UGT1A5: variants seen among roughly 807,000 people sequenced by gnomAD.
UGT1A5 encodes UDP glucuronosyltransferase family 1 member A5, also known as UDP-glucuronosyltransferase 1A5.
In UGT1A5, 29 loss-of-function variants were observed where a neutral mutation model predicts 40.3. That is an observed-to-expected ratio of 0.72 (90% CI 0.54 to 0.98). The LOEUF is 0.98. UGT1A5 is among the 50% of genes least tolerant of loss of function. The pLI is 0.00. For synonymous variants in UGT1A5, 257 were observed against 262.5 expected, an observed-to-expected ratio of 0.98 and a Z score of 0.20; for missense variants, 678 against 677.9, an observed-to-expected ratio of 1.00 and a Z score of 0.00.
At chr2:233,747,820 A>T in intron 1 of UGT1A5, 1 of 1,613,402 alleles carries the variant, frequency 6.2e-7, no homozygotes, top group East Asian at 2.2e-5. Context: ...ACCAATTCAG[A>T]CCACATGACA....
chr2:233,766,415 C>T (rs1416459239), intron 1 of UGT1A5, among the ~76,000 whole-genome samples: 1 of 152,164 alleles, frequency 6.6e-6, no homozygotes, highest in Admixed American at 6.5e-5. Context: ...CTGATGTGCT[C>T]CTCCCGATGT....
intron 1 of UGT1A5, chr2:233,760,319 T>A (rs201984525): frequency 1.2e-6 from 2 of 1,614,040 alleles, no homozygotes; most frequent in Non-Finnish European, 1.7e-6. Flanking sequence ...GGACGCCCAC[T>A]TGTCCTGGGC....
At position 233,725,197 on chromosome 2, in the gene UGT1A5, CAGAGGCAGAGGCAGAGGCAGA is replaced by C. The variant is rs1559370274; in HGVS notation, c.867+11340_867+11360del. ...CCGTGGGGAGAGGCAGAGGCAGAGG[CAGAGGCAGAGGCAGAGGCAGA>C]GGAGGCAGAGGCAGAGGAGGCAGAG... is the stretch of plus-strand genomic sequence containing the variant. On this transcript the variant is annotated intron_variant, in intron 1 of 4. Transcript: ENST00000373414. Among the ~76,000 whole-genome samples the C allele has an allele frequency of 9.0e-4, 74 of 81,846 alleles. 30 individuals carry two copies. Among genetic ancestry groups the C allele is most frequent in the African/African-American group, 7.3e-3 (68 of 9,378 alleles). 53.7% of individuals were successfully genotyped at this position (81,846 alleles called of 152,430 possible).
chr2:233,716,282 A>G (rs2076495752), intron 1 of UGT1A5, among the ~76,000 whole-genome samples: 1 of 152,186 alleles, frequency 6.6e-6, no homozygotes, highest in African/African-American at 2.4e-5. Context: ...AACCCTTAAT[A>G]TAATCACATC....
chr2:233,724,372 T>A (rs2077243468), intron 1 of UGT1A5, among the ~76,000 whole-genome samples: 1 of 143,294 alleles, frequency 7.0e-6, no homozygotes, highest in Admixed American at 6.9e-5. Context: ...ACGGGGTGGC[T>A]GCCGGGCGGA....
chr2:233,727,334 C>G (rs2077606253), intron 1 of UGT1A5, among the ~76,000 whole-genome samples: 1 of 152,132 alleles, frequency 6.6e-6, no homozygotes, highest in South Asian at 2.1e-4. Context: ...GGAGCTCCTC[C>G]CTCCCCATAG....
chr2:233,772,482 T>C lies in UGT1A5; in HGVS notation c.1528T>C (p.Cys510Arg). Residue 510 changes from cysteine to arginine, a missense_variant, in exon 5 of 5, where the codon TGT becomes CGT. Physicochemically the swap from Cys to Arg is radical, Grantham distance 180. Coordinates refer to ENST00000373414, the MANE Select transcript of UGT1A5 (RefSeq NM_019078.2). ...VLTVAFITFK[C>R]CAYGYRKCLG... ...GACAGTGGCCTTCATCACCTTTAAA[T>C]GTTGTGCTTATGGCTACCGGAAATG... The C allele has an allele frequency of 6.2e-7, 1 of 1,614,124 alleles. No individual in the cohort carries two copies. Among genetic ancestry groups the C allele is most frequent in the Non-Finnish European group, 8.5e-7 (1 of 1,180,034 alleles).
At chr2:233,744,867 G>T (rs1318227544) in intron 1 of UGT1A5, among the ~76,000 whole-genome samples, 4 of 151,860 alleles carry the variant, frequency 2.6e-5, no homozygotes, top group African/African-American at 7.3e-5. Flanking sequence ...ATTCTGAAGG[G>T]ATTAGTTTAG....
intron 1 of UGT1A5, among the ~76,000 whole-genome samples, chr2:233,715,727 A>T (rs2076466166): frequency 6.6e-6 from 1 of 152,216 alleles, no homozygotes; most frequent in Non-Finnish European, 1.5e-5. Flanking sequence ...TGCCATGTTC[A>T]CGCCACCTCA....
rs558356938 is a variant in UGT1A5 at position 233,722,599 on chromosome 2, T to C, written c.867+8741T>C. Among the ~76,000 whole-genome samples the C allele has an allele frequency of 1.3e-4, 20 of 152,338 alleles. 1 individual carries two copies. In the South Asian group the frequency reaches 4.1e-3, roughly 32 times the overall value. On this transcript the variant is annotated intron_variant, in intron 1 of 4. Transcript: ENST00000373414. ...AACTTCGTTAGAGGACTATTACACT[T>C]CTTTACATTTGATTTTTCTTAATGA... is the stretch of plus-strand genomic sequence containing the variant.
intron 1 of UGT1A5, chr2:233,747,259 G>C (rs1240117777): frequency 7.1e-5 from 114 of 1,600,384 alleles, no homozygotes; most frequent in Non-Finnish European, 9.2e-5. Flanking sequence ...GGCCACAGGA[G>C]TGCTACTCCT....
chr2:233,743,979 A>T (rs1692622611), intron 1 of UGT1A5: 1 of 1,306,002 alleles, frequency 7.7e-7, no homozygotes, highest in Non-Finnish European at 1.0e-6. Flanking sequence ...GCCAGCACCC[A>T]GGCGCAGGCC....
chr2:233,725,264 G>GGCAGAGGAGGCA, intron 1 of UGT1A5, among the ~76,000 whole-genome samples: 1 of 58,548 alleles, frequency 1.7e-5, no homozygotes, highest in African/African-American at 1.3e-4. Flanking sequence ...CAGAGGCAGA[G>GGCAGAGGAGGCA]GAGGCAGAGG....
intron 1 of UGT1A5, among the ~76,000 whole-genome samples, chr2:233,738,740 C>T (rs1235036519): frequency 1.3e-5 from 2 of 152,136 alleles, no homozygotes; most frequent in Non-Finnish European, 2.9e-5. Context: ...GCAGCCTGAC[C>T]ATGTGGTAGA....
chr2:233,724,124 T>C (rs2077171424), intron 1 of UGT1A5, among the ~76,000 whole-genome samples: 1 of 109,210 alleles, frequency 9.2e-6, no homozygotes. Flanking sequence ...GAGGCGCCCC[T>C]CACCTCCCGG....
intron 1 of UGT1A5, chr2:233,760,313 G>A (rs761736540): frequency 1.9e-6 from 3 of 1,613,818 alleles, no homozygotes; most frequent in Non-Finnish European, 2.5e-6. Flanking sequence ...CAGGGCGGAC[G>A]CCCACTTGTC....
intron 1 of UGT1A5, chr2:233,747,140 A>C: frequency 1.3e-6 from 2 of 1,552,466 alleles, no homozygotes; most frequent in East Asian, 2.3e-5. Flanking sequence ...GTGACAAGGT[A>C]ATTAAGATGA....
chr2:233,771,360 A>G (rs1369585648), intron 4 of UGT1A5: 1 of 151,838 alleles, frequency 6.6e-6, no homozygotes, highest in African/African-American at 2.4e-5. Flanking sequence ...GGGTTGAAGC[A>G]CCTAACCCGT....
At chr2:233,743,597 T>A in intron 1 of UGT1A5, 1 of 1,367,346 alleles carries the variant, frequency 7.3e-7, no homozygotes. Flanking sequence ...GAATGGGTCC[T>A]GGCCGCCGAA....
Sources: allele counts gnomAD v4.1 joint callset (sites outside exome capture counted in the v4.1 genomes callset), GRCh38; gene constraint gnomAD v4.1.1; transcripts MANE v1.5; gene names NCBI Gene and HGNC (gene_info 2026-07-23, HGNC 2026-07-21).